Variants in MYH10 observed in about 807,000 individuals in gnomAD.
MYH10 encodes the protein myosin-10.
In MYH10, 55 loss-of-function variants were observed where a neutral mutation model predicts 257.8. The ratio of observed to expected loss-of-function variants is 0.21; its 90% CI spans 0.17 to 0.27. The LOEUF is 0.27. Ranked by LOEUF, MYH10 falls within the 10% of genes least tolerant of loss-of-function variation. The pLI is 1.00. For missense variants in MYH10, 1,631 were observed against 2,500.6 expected (o/e 0.65, Z 7.42); for synonymous variants, 854 against 921.7 (o/e 0.93, Z 1.33).
intron 29 of MYH10, among the ~76,000 whole-genome samples, chr17:8,500,062 G>A (rs927743310): frequency 2.6e-5 from 4 of 152,214 alleles, no homozygotes; most frequent in African/African-American, 9.6e-5. Flanking sequence ...CTGTGCCACA[G>A]GGTTGTAGCA....
chr17:8,592,052 T>TTAA (rs572837634), intron 3 of MYH10, among the ~76,000 whole-genome samples: 194 of 152,310 alleles, frequency 1.3e-3, no homozygotes, highest in Non-Finnish European at 2.4e-3. Context: ...CTTACGGTGA[T>TTAA]ATTAAAGGGG....
intron 3 of MYH10, among the ~76,000 whole-genome samples, chr17:8,600,490 A>G (rs2084549271): frequency 6.6e-6 from 1 of 152,206 alleles, no homozygotes; most frequent in Admixed American, 6.5e-5. Flanking sequence ...GTTAATTCTA[A>G]AAGATGGCAA....
At chr17:8,541,651 A>G (rs2151944616) in intron 14 of MYH10, among the ~76,000 whole-genome samples, 1 of 152,294 alleles carries the variant, frequency 6.6e-6, no homozygotes, top group South Asian at 2.1e-4. Flanking sequence ...TGAGAACAAA[A>G]ACTTCAAATT....
At chr17:8,496,613 C>T (rs558243260) in intron 30 of MYH10, among the ~76,000 whole-genome samples, 108 of 152,284 alleles carry the variant, frequency 7.1e-4, no homozygotes, top group African/African-American at 2.5e-3. Context: ...CCTTCCCCGC[C>T]GTAGGCAGAG....
intron 4 of MYH10, among the ~76,000 whole-genome samples, chr17:8,584,181 A>G (rs2083812215): frequency 6.6e-6 from 1 of 152,210 alleles, no homozygotes; most frequent in Non-Finnish European, 1.5e-5. Flanking sequence ...GCGGCTTGCA[A>G]GTGGGAGCTC....
rs149048492 is a variant in MYH10 at position 8,548,474 on chromosome 17, A to C, written c.1064-66T>G. The C allele has an allele frequency of 1.2e-4, 164 of 1,418,140 alleles. No individual in the cohort carries two copies. In the African/African-American group the frequency reaches 2.2e-3, roughly 19 times the overall value. 87.8% of individuals were successfully genotyped at this position (1,418,140 alleles called of 1,614,324 possible). On this transcript the variant is annotated intron_variant, in intron 10 of 42. Transcript: ENST00000360416. ...CAAAATGTAGCGGAGACATATTCTC[A>C]TTTATTTTGTGCTAAAAATTAGCTA...
At chr17:8,516,707 CTA>C (rs1374710642) in intron 21 of MYH10, among the ~76,000 whole-genome samples, 1 of 152,208 alleles carries the variant, frequency 6.6e-6, no homozygotes, top group Non-Finnish European at 1.5e-5. Flanking sequence ...TTTGCTAACT[CTA>C]TGAAGTTAGC....
intron 17 of MYH10, among the ~76,000 whole-genome samples, chr17:8,528,448 T>C (rs2081918193): frequency 6.6e-6 from 1 of 152,198 alleles, no homozygotes; most frequent in Non-Finnish European, 1.5e-5. Flanking sequence ...AGCAGAAACT[T>C]ATATGACCTC....
chr17:8,508,430 AAAC>A, intron 26 of MYH10, 121 bp downstream of exon 26: 1 of 1,387,444 alleles, frequency 7.2e-7, no homozygotes. Context: ...AAGTCAACCC[AAAC>A]TGAAGGTCCT....
chr17:8,509,271 G>C (rs996771029), intron 25 of MYH10, among the ~76,000 whole-genome samples: 6 of 152,184 alleles, frequency 3.9e-5, no homozygotes, highest in African/African-American at 1.4e-4. Flanking sequence ...GTGTGGCCTA[G>C]ATGCAATCAG....
intron 4 of MYH10, among the ~76,000 whole-genome samples, chr17:8,585,889 C>T (rs892194382): frequency 3.3e-5 from 5 of 152,152 alleles, no homozygotes; most frequent in African/African-American, 4.8e-5. Context: ...TGCTTAAGTA[C>T]TTAGGGGACA....
chr17:8,574,207 G>T (rs1308135907), intron 6 of MYH10, among the ~76,000 whole-genome samples: 1 of 152,164 alleles, frequency 6.6e-6, no homozygotes, highest in Non-Finnish European at 1.5e-5. Context: ...GCCATAAAAA[G>T]GAATGAAGTA....
chr17:8,561,112 G>A, intron 7 of MYH10: 2 of 606,346 alleles, frequency 3.3e-6, no homozygotes, highest in Non-Finnish European at 5.8e-6. Context: ...TCGACATCAA[G>A]CTGGATTGTA....
At chr17:8,580,273 C>T (rs557847419) in intron 4 of MYH10, among the ~76,000 whole-genome samples, 14 of 151,950 alleles carry the variant, frequency 9.2e-5, no homozygotes, top group African/African-American at 1.7e-4. Flanking sequence ...ATCAAGTAGA[C>T]GCTGAGGTTT....
intron 2 of MYH10, among the ~76,000 whole-genome samples, chr17:8,613,159 A>G (rs1167428565): frequency 6.6e-6 from 1 of 152,192 alleles, no homozygotes; most frequent in Admixed American, 6.5e-5. Context: ...AAAAAGACGA[A>G]AGGCAGAACC....
chr17:8,476,056 T>C (rs1242248142), intron 42 of MYH10, 108 bp from the exon 43 acceptor site: 1 of 1,273,818 alleles, frequency 7.9e-7, no homozygotes, highest in African/African-American at 1.5e-5. Flanking sequence ...CACCCCCTCC[T>C]CGGACACACG....
At chr17:8,521,417 A>G (rs1264755898) in intron 17 of MYH10, 132 bp from the exon 18 acceptor site, 2 of 924,308 alleles carry the variant, frequency 2.2e-6, no homozygotes, top group Non-Finnish European at 3.3e-6. Context: ...TAGGTAAGGC[A>G]GTCAGCATAC....
At chr17:8,539,465 ATGTTGTGTTC>A (rs1436399149) in intron 14 of MYH10, among the ~76,000 whole-genome samples, 14 of 152,102 alleles carry the variant, frequency 9.2e-5, no homozygotes, top group African/African-American at 2.2e-4. Context: ...GCTCACCACT[ATGTTGTGTTC>A]TGTTTTCTGG....
At chr17:8,507,071 C>T (rs2151861162) in intron 26 of MYH10, among the ~76,000 whole-genome samples, 1 of 152,294 alleles carries the variant, frequency 6.6e-6, no homozygotes, top group African/African-American at 2.4e-5. Context: ...ACCTGTATGC[C>T]TTTGTGTTCT....
Sources: gnomAD v4.1 joint callset for allele counts (sites outside exome capture counted in the v4.1 genomes callset) on GRCh38, gnomAD v4.1.1 for gene constraint, MANE v1.5 for transcripts, NCBI Gene and HGNC (gene_info 2026-07-23, HGNC 2026-07-21) for gene names.